The following ARHGAP44 variants were observed in gnomAD, a reference collection of about 807,000 sequenced individuals.
ARHGAP44 encodes Rho GTPase activating protein 44, also known as rho GTPase-activating protein 44.
In ARHGAP44, 43 loss-of-function variants were observed where a neutral mutation model predicts 106.8. That is an observed-to-expected ratio of 0.40 (90% CI 0.32 to 0.52). ARHGAP44 has a LOEUF of 0.52. Among genes scored for constraint, ARHGAP44 ranks in the 20% least tolerant of loss-of-function variants. ARHGAP44 has a pLI of 0.48. For missense variants in ARHGAP44, 866 were observed against 1,050.5 expected (o/e 0.82, Z 2.43); for synonymous variants, 439 against 410.3 (o/e 1.07, Z -0.85).
intron 19 of ARHGAP44, among the ~76,000 whole-genome samples, chr17:12,983,766 T>C (rs903220267): frequency 2.6e-5 from 4 of 151,672 alleles, no homozygotes; most frequent in African/African-American, 9.7e-5. Flanking sequence ...ATCGCGCCAT[T>C]GCACTCCAGC....
chr17:12,960,295 C>T (rs533728490), intron 16 of ARHGAP44, among the ~76,000 whole-genome samples: 1 of 152,034 alleles, frequency 6.6e-6, no homozygotes, highest in Non-Finnish European at 1.5e-5. Flanking sequence ...CTCAGCTGGG[C>T]GCGGTGGCTC....
chr17:12,960,257 T>TTTTTG (rs142385280), intron 16 of ARHGAP44, among the ~76,000 whole-genome samples: 1 of 152,114 alleles, frequency 6.6e-6, no homozygotes, highest in Non-Finnish European at 1.5e-5. Flanking sequence ...ATGTCTTTCT[T>TTTTTG]TTTTGTTTTG....
At chr17:12,897,261 A>ATT (rs10648314) in intron 3 of ARHGAP44, among the ~76,000 whole-genome samples, 40,962 of 149,836 alleles carry the variant, frequency 0.27, 8,480 homozygotes, top group African/African-American at 0.57. Flanking sequence ...TCATTTAGAC[A>ATT]TTTTTTTTTT....
rs1157325814 is a variant in ARHGAP44, at chr17:12,978,036, C to CAAAAAAAAAAAAAAAA, written c.1764-2017_1764-2002dup. On this transcript the variant is annotated intron_variant, in intron 18 of 20. Transcript: ENST00000379672. ...TGGGCAACAGAGCAAGACTCCATCT[C>CAAAAAAAAAAAAAAAA]AAAAAAAAAAAAAAAAAAAAGTGTG... Among the ~76,000 whole-genome samples, 285 of 89,254 alleles carry CAAAAAAAAAAAAAAAA rather than the reference C, an allele frequency of 3.2e-3. 22 individuals are homozygous for CAAAAAAAAAAAAAAAA. The highest frequency in any genetic ancestry group is 0.011 in the African/African-American group (233 of 20,988). 58.6% of individuals were successfully genotyped at this position (89,254 alleles called of 152,430 possible). A position where few individuals can be genotyped will look rare whatever the true frequency, so the allele number is the denominator to read the frequency against.
At chr17:12,975,433 G>A (rs1207728139) in intron 18 of ARHGAP44, among the ~76,000 whole-genome samples, 3 of 151,932 alleles carry the variant, frequency 2.0e-5, no homozygotes, top group Non-Finnish European at 4.4e-5. Context: ...ATTATTTTAG[G>A]GGAAGGAAAA....
Position 12,990,233 on chromosome 17 carries a change from G to A in ARHGAP44, c.*62G>A. On this transcript the variant is annotated 3_prime_UTR_variant, in exon 21 of 21. Transcript: ENST00000379672. ...TCACGGGCCCTAGGAACGCCGCCAG[G>A]AGCAGCGTCCATGAGCTTGCCAAGT... is the stretch of plus-strand genomic sequence containing the variant. 1 of 1,559,798 alleles carries A rather than the reference G, an allele frequency of 6.4e-7. No individual in the cohort carries two copies. Among genetic ancestry groups the A allele is most frequent in the Non-Finnish European group, 8.7e-7 (1 of 1,144,208 alleles).
In ARHGAP44 at chr17:12,794,446, T is replaced by G. The variant is rs114887015; in HGVS notation, c.53+4555T>G. On this transcript the variant is annotated intron_variant, in intron 1 of 20. Transcript: ENST00000379672. ...ACCCATTCAAGTCTTCCAAAAATAA[T>G]GTTGGCCTCCTAAGTAGAAAAGGAT... Among the ~76,000 whole-genome samples, 205 of 152,282 alleles carry G rather than the reference T, an allele frequency of 1.3e-3. 1 individual carries two copies. The highest frequency in any genetic ancestry group is 4.7e-3 in the African/African-American group (194 of 41,556).
chr17:12,889,255 G>A (rs2036970828), intron 1 of ARHGAP44, among the ~76,000 whole-genome samples: 2 of 151,848 alleles, frequency 1.3e-5, no homozygotes, highest in Admixed American at 6.6e-5. Flanking sequence ...TGTTTGTCTT[G>A]TTCCATTTTG....
At chr17:12,934,019 T>C (rs2150971839) in intron 7 of ARHGAP44, among the ~76,000 whole-genome samples, 1 of 152,112 alleles carries the variant, frequency 6.6e-6, no homozygotes, top group East Asian at 1.9e-4. Context: ...CGGCTAATTT[T>C]TGTATTTTTA....
chr17:12,932,010 A>AT (rs200554456), intron 7 of ARHGAP44, among the ~76,000 whole-genome samples: 10 of 151,878 alleles, frequency 6.6e-5, no homozygotes, highest in Non-Finnish European at 1.3e-4. Flanking sequence ...TACCCTGGTA[A>AT]TTTTTTTTCT....
chr17:12,800,827 C>T (rs908784250), intron 1 of ARHGAP44, among the ~76,000 whole-genome samples: 2 of 152,204 alleles, frequency 1.3e-5, no homozygotes, highest in Non-Finnish European at 1.5e-5. Flanking sequence ...GCAAATGCCT[C>T]TCCTGCTTCT....
intron 18 of ARHGAP44, among the ~76,000 whole-genome samples, chr17:12,979,794 G>T (rs973330341): frequency 1.6e-4 from 24 of 152,328 alleles, no homozygotes; most frequent in African/African-American, 5.8e-4. Flanking sequence ...CTTGAAGAGA[G>T]GAGGGCAGAG....
At chr17:12,849,781 A>G (rs958193180) in intron 1 of ARHGAP44, among the ~76,000 whole-genome samples, 4 of 152,100 alleles carry the variant, frequency 2.6e-5, no homozygotes, top group African/African-American at 9.7e-5. Context: ...GGCATGTGTC[A>G]TAAAAAAATA....
rs375297564 is a variant in ARHGAP44 at position 12,896,463 on chromosome 17, C to T, written c.150C>T (p.Leu50=). The change falls in exon 3 of 21, where the codon CTC becomes CTT. Residue 50 remains leucine, a synonymous_variant. Coordinates refer to ENST00000379672, the MANE Select transcript of ARHGAP44 (RefSeq NM_014859.6). ...TGTCCCACAGCACGCACAAGAAGCTCACCGCATGTCTGCAGGGCCAGCAAG... is the reference window on the plus strand; with the variant it reads ...TGTCCCACAGCACGCACAAGAAGCTTACCGCATGTCTGCAGGGCCAGCAAG... The part of the protein sequence containing the change: ...KQVSHSTHKK[L]TACLQGQQGA... 1.1e-5 allele frequency: 17 copies of T among 1,609,854 alleles called. No homozygotes were observed. The highest frequency in any genetic ancestry group is 1.4e-5 in the Non-Finnish European group (17 of 1,178,406).
At chr17:12,921,952 C>G (rs1598058780) in intron 6 of ARHGAP44, among the ~76,000 whole-genome samples, 1 of 152,158 alleles carries the variant, frequency 6.6e-6, no homozygotes, top group African/African-American at 2.4e-5. Context: ...AGCAAAGAAA[C>G]AAGGGTTTCT....
At chr17:12,960,203 GAAAAA>G (rs1277854770) in intron 16 of ARHGAP44, among the ~76,000 whole-genome samples, 1 of 149,880 alleles carries the variant, frequency 6.7e-6, no homozygotes, top group Non-Finnish European at 1.5e-5. Flanking sequence ...AGTGGAGAAA[GAAAAA>G]AAAAGGAAAT....
intron 8 of ARHGAP44, among the ~76,000 whole-genome samples, chr17:12,941,863 A>G (rs559167000): frequency 2.3e-4 from 35 of 152,308 alleles, no homozygotes; most frequent in African/African-American, 8.2e-4. Context: ...AAAAAAAATC[A>G]GTTATGCTCA....
chr17:12,811,109 G>A (rs368077237), intron 1 of ARHGAP44, among the ~76,000 whole-genome samples: 71 of 152,068 alleles, frequency 4.7e-4, no homozygotes, highest in African/African-American at 1.7e-3. Context: ...TCAGGAGATC[G>A]AGACCATCCT....
Position 12,834,634 on chromosome 17 carries a change from A to G in ARHGAP44, c.53+44743A>G, listed in dbSNP as rs570465189. Among the ~76,000 whole-genome samples, 22 of 152,354 alleles carry G rather than the reference A, an allele frequency of 1.4e-4. No homozygotes were observed. In the East Asian group the frequency reaches 2.9e-3, roughly 20 times the overall value. On this transcript the variant is annotated intron_variant, in intron 1 of 20. Transcript: ENST00000379672. Reference sequence around the variant, plus strand: ...GGGGATAAAACATAGTTCCGTTACTAAAATGTACTCTTGGATAAAACAACA... The same window carrying G: ...GGGGATAAAACATAGTTCCGTTACTGAAATGTACTCTTGGATAAAACAACA...
Sources: allele counts gnomAD v4.1 joint callset (sites outside exome capture counted in the v4.1 genomes callset), GRCh38; gene constraint gnomAD v4.1.1; transcripts MANE v1.5; gene names NCBI Gene and HGNC (gene_info 2026-07-23, HGNC 2026-07-21).